Variants in ALAS1 observed in about 807,000 individuals in gnomAD.
ALAS1 encodes the protein 5-aminolevulinate synthase, non-specific, mitochondrial.
ALAS1 carries 29 observed loss-of-function variants against 59.6 expected under a neutral mutation model. That is an observed-to-expected ratio of 0.49 (90% confidence interval 0.36 to 0.66). ALAS1 has a LOEUF of 0.66. Ranked by LOEUF, ALAS1 falls within the 30% of genes least tolerant of loss-of-function variation. ALAS1 has a pLI of 0.00. For synonymous variants in ALAS1, 299 were observed against 296.6 expected (o/e 1.01, Z -0.08); for missense variants, 690 against 807.5 (o/e 0.85, Z 1.76).
In ALAS1 at chr3:52,204,736, T is replaced by C. The variant is rs1427605282; in HGVS notation, c.621T>C (p.Ile207=). Residue 207 remains isoleucine (I), a synonymous_variant, in exon 6 of 12, where the codon ATT becomes ATC. Coordinates refer to ENST00000484952, the MANE Select transcript of ALAS1 (RefSeq NM_000688.6). ...ATGATCGTTTCTTTGAGAAAAAAATTGATGAGAAAAAGAATGACCACACCT... is the reference window on the plus strand; with the variant it reads ...ATGATCGTTTCTTTGAGAAAAAAATCGATGAGAAAAAGAATGACCACACCT... ...FQYDRFFEKK[I]DEKKNDHTYR... 6.2e-7 allele frequency: 1 copy of C among 1,614,160 alleles called. No individual in the cohort carries two copies. The highest frequency in any genetic ancestry group is 1.1e-5 in the South Asian group (1 of 91,080).
At position 52,204,686 on chromosome 3, in the gene ALAS1, T is replaced by C. The variant is rs1193836551; in HGVS notation, c.578-7T>C. On this transcript the variant is annotated splice_region_variant and splice_polypyrimidine_tract_variant and intron_variant, in intron 5 of 11. Transcript: ENST00000484952. Reference sequence around the variant, plus strand: ...CCATTCTGTACTGTCTTTTGTTCAATTTTTAGCTGTTTCCACTTTTCAGTA... The same window carrying C: ...CCATTCTGTACTGTCTTTTGTTCAACTTTTAGCTGTTTCCACTTTTCAGTA... 1.2e-6 allele frequency: 2 copies of C among 1,611,824 alleles called. No individual in the cohort carries two copies. Among genetic ancestry groups the C allele is most frequent in the South Asian group, 1.1e-5 (1 of 91,006 alleles).
At chr3:52,208,883 A>C (rs559017238) in intron 9 of ALAS1, among the ~76,000 whole-genome samples, 1 of 152,412 alleles carries the variant, frequency 6.6e-6, no homozygotes, top group Admixed American at 6.5e-5. Context: ...AACAGTTATT[A>C]TAAACATTCC....
At chr3:52,206,941 T>A (rs1699304962) in intron 8 of ALAS1, among the ~76,000 whole-genome samples, 190 bp downstream of exon 8, 1 of 151,906 alleles carries the variant, frequency 6.6e-6, no homozygotes, top group African/African-American at 2.4e-5. Flanking sequence ...TTCACGTCAT[T>A]CTCCTGCCTC....
chr3:52,199,508 C>A, intron 3 of ALAS1, 68 bp downstream of exon 3: 1 of 1,462,740 alleles, frequency 6.8e-7, no homozygotes, highest in Non-Finnish European at 9.4e-7. Flanking sequence ...AGAAGCAGTC[C>A]CCACAGTGGT....
At position 52,198,758 on chromosome 3, in the gene ALAS1, G is replaced by T; in HGVS notation, c.-123G>T. ...CGGGACCCTGCTGGACCCCTTCCTC[G>T]GGTTTAGGGGATGTGGGGACCAGGA... is the stretch of plus-strand genomic sequence containing the variant. On this transcript the variant is annotated 5_prime_UTR_variant, in exon 2 of 12. Coordinates refer to ENST00000484952, the MANE Select transcript of ALAS1 (RefSeq NM_000688.6). The T allele has an allele frequency of 6.6e-7, 1 of 1,518,180 alleles. No homozygotes were observed. The highest frequency in any genetic ancestry group is 8.8e-7 in the Non-Finnish European group (1 of 1,130,978). 94.0% of individuals were successfully genotyped at this position (1,518,180 alleles called of 1,614,324 possible).
In ALAS1 at chr3:52,198,762, T is replaced by G; in HGVS notation, c.-119T>G. On this transcript the variant is annotated 5_prime_UTR_variant, in exon 2 of 12. Coordinates refer to ENST00000484952, the MANE Select transcript of ALAS1 (RefSeq NM_000688.6). Reference sequence around the variant, plus strand: ...ACCCTGCTGGACCCCTTCCTCGGGTTTAGGGGATGTGGGGACCAGGAGAAA... The same window carrying G: ...ACCCTGCTGGACCCCTTCCTCGGGTGTAGGGGATGTGGGGACCAGGAGAAA... 6.6e-7 allele frequency: 1 copy of G among 1,523,834 alleles called. No homozygotes were observed. 94.4% of individuals were successfully genotyped at this position (1,523,834 alleles called of 1,614,324 possible).
Position 52,199,456 on chromosome 3 carries a change from A to G in ALAS1, c.199+16A>G. 2 of 1,609,486 alleles carry G rather than the reference A, an allele frequency of 1.2e-6. No individual in the cohort carries two copies. Among genetic ancestry groups the G allele is most frequent in the Non-Finnish European group, 1.7e-6 (2 of 1,176,848 alleles). On this transcript the variant is annotated intron_variant, in intron 3 of 11. Coordinates refer to ENST00000484952, the MANE Select transcript of ALAS1 (RefSeq NM_000688.6). ...GCCAGTGAGAGTAAGTGTCATTGAC[A>G]ATGAAGGAGCAGGTATGGGTGTTTG...
At chr3:52,207,149 G>A (rs974082128) in intron 8 of ALAS1, among the ~76,000 whole-genome samples, 1 of 151,590 alleles carries the variant, frequency 6.6e-6, no homozygotes, top group Non-Finnish European at 1.5e-5. Context: ...GACTACAGGC[G>A]CCTGCCACCA....
At position 52,199,218 on chromosome 3, in the gene ALAS1, C is replaced by T. The variant is rs1216185545; in HGVS notation, c.-24C>T. 1.2e-6 allele frequency: 2 copies of T among 1,614,148 alleles called. No homozygotes were observed. The highest frequency in any genetic ancestry group is 1.7e-6 in the Non-Finnish European group (2 of 1,180,002). On this transcript the variant is annotated 5_prime_UTR_variant, in exon 3 of 12. Coordinates refer to ENST00000484952, the MANE Select transcript of ALAS1 (RefSeq NM_000688.6). Reference sequence around the variant, plus strand: ...ATGTCACTCTTCATCAGTCTTTCCACAGGAGCCAGCATACTTCCTGAACAT... The same window carrying T: ...ATGTCACTCTTCATCAGTCTTTCCATAGGAGCCAGCATACTTCCTGAACAT...
chr3:52,206,932 T>C (rs1699304389), intron 8 of ALAS1, among the ~76,000 whole-genome samples, 181 bp downstream of exon 8: 1 of 152,104 alleles, frequency 6.6e-6, no homozygotes, highest in African/African-American at 2.4e-5. Flanking sequence ...CCTCCCGGGT[T>C]CACGTCATTC....
chr3:52,199,396 C>T lies in ALAS1; in HGVS notation c.155C>T (p.Ala52Val), dbSNP rs1699139775. Residue 52 changes from alanine (A) to valine (V), a missense_variant, in exon 3 of 12, where the codon GCA (alanine) becomes GTA (valine). Physicochemically the swap from Ala to Val is moderately conservative, Grantham distance 64. Coordinates refer to ENST00000484952, the MANE Select transcript of ALAS1 (RefSeq NM_000688.6). Reference protein sequence around the residue: ...KPAPRALSTAAVHYQQIKETP... With the variant: ...KPAPRALSTAVVHYQQIKETP... ...GCCCCTCGGGCATTGTCCACTGCAG[C>T]AGTACACTACCAACAGATCAAAGAA... is the stretch of plus-strand genomic sequence containing the variant. 6.2e-7 allele frequency: 1 copy of T among 1,614,194 alleles called. No individual in the cohort carries two copies. Among genetic ancestry groups the T allele is most frequent in the Non-Finnish European group, 8.5e-7 (1 of 1,180,042 alleles).
chr3:52,209,642 G>A (rs1471244243), intron 9 of ALAS1, among the ~76,000 whole-genome samples: 1 of 152,182 alleles, frequency 6.6e-6, no homozygotes, highest in Non-Finnish European at 1.5e-5. Context: ...TGTGGTTTTA[G>A]CAAAAACATT....
At chr3:52,212,051 G>A (rs1007497698) in intron 10 of ALAS1, among the ~76,000 whole-genome samples, 1 of 152,154 alleles carries the variant, frequency 6.6e-6, no homozygotes, top group African/African-American at 2.4e-5. Flanking sequence ...TTTTAATAAG[G>A]TTTTGGTTCC....
chr3:52,200,464 G>T (rs1301611572), intron 3 of ALAS1, among the ~76,000 whole-genome samples: 1 of 152,184 alleles, frequency 6.6e-6, no homozygotes, highest in Non-Finnish European at 1.5e-5. Flanking sequence ...TTGGCTGTGT[G>T]CAGTGGCTCA....
intron 5 of ALAS1, 147 bp from the exon 6 acceptor site, chr3:52,204,546 T>G (rs143326561): frequency 1.5e-6 from 1 of 674,884 alleles, no homozygotes; most frequent in Non-Finnish European, 2.5e-6. Context: ...AAACACGACA[T>G]ACAGTCTTAT....
rs1039393992 is a variant in ALAS1 at position 52,214,082 on chromosome 3, T to C, written c.1825T>C (p.Cys609Arg). 3 of 1,613,864 alleles carry C rather than the reference T, an allele frequency of 1.9e-6. No homozygotes were observed. Among genetic ancestry groups the C allele is most frequent in the African/African-American group, 2.7e-5 (2 of 75,020 alleles). ...ACTGAAGCCTCATTCCTCAGCTGAG[T>C]GCAACTTCTGCAGGAGGCCACTGCA... ...LELKPHSSAE[C>R]NFCRRPLHFE... Residue 609 changes from cysteine (C) to arginine (R), a missense_variant, in exon 12 of 12, where the codon TGC becomes CGC. Cys to Arg is a radical substitution (Grantham distance 180). Transcript: ENST00000484952.
At chr3:52,206,796 A>C (rs758000488) in intron 8 of ALAS1, 45 bp downstream of exon 8, 2 of 1,569,010 alleles carry the variant, frequency 1.3e-6, no homozygotes, top group Non-Finnish European at 1.7e-6. Flanking sequence ...ATGAAAAACT[A>C]TGCCTGAACT....
At position 52,206,708 on chromosome 3, in the gene ALAS1, A is replaced by G. The variant is rs1338443286; in HGVS notation, c.1122A>G (p.Ser374=). The G allele has an allele frequency of 3.1e-6, 5 of 1,614,092 alleles. No individual in the cohort carries two copies. In the East Asian group the frequency reaches 1.1e-4, roughly 36 times the overall value. The change falls in exon 8 of 12, where the codon TCA becomes TCG. Residue 374 remains serine (S), a synonymous_variant. Transcript: ENST00000484952. The stretch of plus-strand genomic sequence containing the variant: ...AACTGCTGCAAAGATCTGACCCCTC[A>G]GTCCCCAAGATTGTGGCATTTGAAA... ...LRELLQRSDP[S]VPKIVAFETV... is the part of the protein sequence containing the mutation.
At chr3:52,202,083 T>C (rs1699197662) in intron 3 of ALAS1, among the ~76,000 whole-genome samples, 3 of 152,058 alleles carry the variant, frequency 2.0e-5, no homozygotes, top group Admixed American at 2.0e-4. Flanking sequence ...AGTGCAGTGG[T>C]TCACGCCTAT....
Sources: allele counts gnomAD v4.1 joint callset (sites outside exome capture counted in the v4.1 genomes callset), GRCh38; gene constraint gnomAD v4.1.1; transcripts MANE v1.5; gene names NCBI Gene and HGNC (gene_info 2026-07-23, HGNC 2026-07-21).